Variants in MACROD1 observed in about 807,000 individuals in gnomAD.
The protein encoded by MACROD1 is mono-ADP ribosylhydrolase 1.
In MACROD1, 31 loss-of-function variants were observed where a neutral mutation model predicts 41.4. The observed-to-expected ratio is 0.75, with a 90% CI of 0.56 to 1.01. The LOEUF is 1.01. Ranked by LOEUF, MACROD1 falls within the 50% of genes least tolerant of loss-of-function variation. MACROD1 has a pLI of 0.00. For synonymous variants in MACROD1, 252 were observed against 203.4 expected (o/e 1.24, Z -2.03); for missense variants, 473 against 460.0 (o/e 1.03, Z -0.26).
chr11:64,087,736 T>C (rs1944419360), intron 3 of MACROD1, among the ~76,000 whole-genome samples: 1 of 152,230 alleles, frequency 6.6e-6, no homozygotes, highest in Non-Finnish European at 1.5e-5. Flanking sequence ...TCCCTCACCC[T>C]GTCCACCCAG....
chr11:64,000,222 C>G lies in MACROD1; in HGVS notation c.664+5G>C. The stretch of plus-strand genomic sequence containing the variant: ...CCCACAGCTGGGGGCGCGTCGGGGA[C>G]TCACACTTGGCCGGGAGCCGATAGC... On this transcript the variant is annotated splice_donor_5th_base_variant and intron_variant, in intron 5 of 10. Coordinates refer to ENST00000255681, the MANE Select transcript of MACROD1 (RefSeq NM_014067.4). The G allele has an allele frequency of 6.2e-7, 1 of 1,603,314 alleles. No individual in the cohort carries two copies.
chr11:64,165,923 C>A lies in MACROD1; in HGVS notation c.72G>T (p.Pro24=). The change falls in exon 1 of 11, where the codon CCG becomes CCT. Residue 24 remains proline (P), a synonymous_variant. Coordinates refer to ENST00000255681, the MANE Select transcript of MACROD1 (RefSeq NM_014067.4). ...CCGCCAAGTGTCCGGGCCGGGGGCGCGGGGGGACGAGCAGCTGCCCCGCCG... is the reference window on the plus strand; with the variant it reads ...CCGCCAAGTGTCCGGGCCGGGGGCGAGGGGGGACGAGCAGCTGCCCCGCCG... ...LRAAGQLLVP[P]RPRPGHLAGA... is the part of the protein sequence containing the mutation. 2 of 1,325,856 alleles carry A rather than the reference C, an allele frequency of 1.5e-6. No homozygotes were observed. 82.1% of individuals were successfully genotyped at this position (1,325,856 alleles called of 1,614,324 possible).
intron 3 of MACROD1, among the ~76,000 whole-genome samples, chr11:64,041,336 C>T (rs2134387862): frequency 6.6e-6 from 1 of 151,674 alleles, no homozygotes; most frequent in East Asian, 1.9e-4. Context: ...TTCCTGCTGC[C>T]CCCCACCCCT....
In MACROD1 at chr11:64,122,558, C is replaced by T. The variant is rs186731941; in HGVS notation, c.517+28681G>A. On this transcript the variant is annotated intron_variant, in intron 3 of 10. Coordinates refer to ENST00000255681, the MANE Select transcript of MACROD1 (RefSeq NM_014067.4). This position sits in a 1 kb window ranked among gnomAD's most constrained non-coding sequence, Gnocchi z 4.0. ...CCTCTGAGCCCAGCCCAGCCCTGTCCGAACAAAGCCAGGCAGAGAGCTGAG... is the reference window on the plus strand; with the variant it reads ...CCTCTGAGCCCAGCCCAGCCCTGTCTGAACAAAGCCAGGCAGAGAGCTGAG... Among the ~76,000 whole-genome samples the T allele has an allele frequency of 3.3e-4, 51 of 152,338 alleles. No individual in the cohort carries two copies. Among genetic ancestry groups the T allele is most frequent in the Admixed American group, 2.6e-3 (40 of 15,308 alleles).
chr11:64,113,871 CATGGATGGATGG>C (rs202172057), intron 3 of MACROD1, among the ~76,000 whole-genome samples: 19 of 77,906 alleles, frequency 2.4e-4, no homozygotes, highest in African/African-American at 7.3e-4. Flanking sequence ...TGGATTGATA[CATGGATGGATGG>C]ATGGATGGAT....
At chr11:63,999,792 G>C (rs1423120041) in intron 5 of MACROD1, 29 bp from the exon 6 acceptor site, 1 of 1,592,720 alleles carries the variant, frequency 6.3e-7, no homozygotes, top group Non-Finnish European at 8.5e-7. Flanking sequence ...TCAGACCGGC[G>C]GGGGTCTACG....
intron 3 of MACROD1, among the ~76,000 whole-genome samples, chr11:64,133,886 C>T (rs1945298319): frequency 6.6e-6 from 1 of 152,224 alleles, no homozygotes; most frequent in Non-Finnish European, 1.5e-5. Context: ...AAACCCAGGT[C>T]TGGGGAAGTT....
chr11:64,111,928 G>T (rs948383306), intron 3 of MACROD1, among the ~76,000 whole-genome samples: 1 of 152,110 alleles, frequency 6.6e-6, no homozygotes, highest in Non-Finnish European at 1.5e-5. Flanking sequence ...GCTCAGCCTG[G>T]GCTGCAGGAC....
chr11:64,150,945 C>G (rs1313491122), intron 3 of MACROD1, among the ~76,000 whole-genome samples: 1 of 152,248 alleles, frequency 6.6e-6, no homozygotes, highest in Non-Finnish European at 1.5e-5. Flanking sequence ...GACCTCCCCG[C>G]TGTGGCCTCT....
chr11:64,114,891 G>T (rs57779243), intron 3 of MACROD1, among the ~76,000 whole-genome samples: 34,643 of 151,894 alleles, frequency 0.23, 6,881 homozygotes, highest in East Asian at 0.53. Flanking sequence ...GCTGGGTCCT[G>T]CAAGAGTAGC....
intron 3 of MACROD1, among the ~76,000 whole-genome samples, chr11:64,029,135 G>A (rs1943261484): frequency 6.6e-6 from 1 of 152,220 alleles, no homozygotes; most frequent in African/African-American, 2.4e-5. Flanking sequence ...GGAAGGGCGA[G>A]GAGCTGCTTG....
intron 3 of MACROD1, chr11:64,116,282 C>T: frequency 6.3e-7 from 1 of 1,598,196 alleles, no homozygotes. Context: ...TGGTGGCACA[C>T]CCCACCGCCA....
At chr11:64,116,502 A>G (rs914564285) in intron 3 of MACROD1, 1 of 1,613,964 alleles carries the variant, frequency 6.2e-7, no homozygotes. Flanking sequence ...CCCCGCAGAT[A>G]TCCCTGATGA....
chr11:64,046,668 T>G (rs1303315212), intron 3 of MACROD1, among the ~76,000 whole-genome samples: 1 of 152,048 alleles, frequency 6.6e-6, no homozygotes, highest in African/African-American at 2.4e-5. Context: ...CCCAGCTAAT[T>G]TTGTATTTTT....
intron 3 of MACROD1, among the ~76,000 whole-genome samples, chr11:64,147,362 G>A (rs1054597197): frequency 2.0e-5 from 3 of 147,578 alleles, no homozygotes; most frequent in Non-Finnish European, 4.5e-5. Context: ...GTGAGCCACC[G>A]CCTGCAGCCT....
At chr11:64,132,719 C>T (rs1945282819) in intron 3 of MACROD1, among the ~76,000 whole-genome samples, 1 of 152,170 alleles carries the variant, frequency 6.6e-6, no homozygotes, top group Non-Finnish European at 1.5e-5. Flanking sequence ...CCCATGTGAC[C>T]ATCCAGATCT....
At chr11:64,001,553 C>G (rs1300325088) in intron 4 of MACROD1, 3 of 702,430 alleles carry the variant, frequency 4.3e-6, no homozygotes, top group Admixed American at 4.0e-5. Context: ...GCTGTTTGAT[C>G]TCGTGCCCTG....
chr11:64,043,030 C>T (rs548182762), intron 3 of MACROD1, among the ~76,000 whole-genome samples: 4 of 152,278 alleles, frequency 2.6e-5, no homozygotes, highest in South Asian at 2.1e-4. Context: ...GCTCTGGAGT[C>T]GATGAACTTG....
chr11:64,060,222 G>A (rs1590853013), intron 3 of MACROD1, among the ~76,000 whole-genome samples: 1 of 152,264 alleles, frequency 6.6e-6, no homozygotes, highest in Non-Finnish European at 1.5e-5. Context: ...CACATTTCAA[G>A]CGGCCTGACA....
Sources: allele counts gnomAD v4.1 joint callset (sites outside exome capture counted in the v4.1 genomes callset), GRCh38; gene constraint gnomAD v4.1.1; non-coding constraint Gnocchi (gnomAD v3.1); transcripts MANE v1.5; gene names NCBI Gene and HGNC (gene_info 2026-07-23, HGNC 2026-07-21).